Variants in NXN observed in about 807,000 individuals in gnomAD.
The protein encoded by NXN is nucleoredoxin, also known as nucleoredoxin 1.
NXN carries 16 observed loss-of-function variants against 48.6 expected under a neutral mutation model. The ratio of observed to expected loss-of-function variants is 0.33; its 90% CI spans 0.22 to 0.50. The LOEUF is 0.50. Ranked by LOEUF, NXN falls within the 20% of genes least tolerant of loss-of-function variation. The probability of loss-of-function intolerance (pLI) is 0.98; values close to 1 mark genes in which losing one functional copy is unlikely to be tolerated. For synonymous variants in NXN, 281 were observed against 269.6 expected, an observed-to-expected ratio of 1.04 and a Z score of -0.41; for missense variants, 492 against 605.5, an observed-to-expected ratio of 0.81 and a Z score of 1.97.
chr17:803,049 C>CTGCAGGG lies in NXN; in HGVS notation c.1125+626_1125+632dup, dbSNP rs889350426. Among the ~76,000 whole-genome samples the CTGCAGGG allele has an allele frequency of 9.2e-5, 14 of 152,322 alleles. No homozygotes were observed. The East Asian group carries it at 1.9e-3, about 21-fold the overall frequency. On this transcript the variant is annotated intron_variant, in intron 7 of 7. Coordinates refer to ENST00000336868, the MANE Select transcript of NXN (RefSeq NM_022463.5). The stretch of plus-strand genomic sequence containing the variant: ...TGTGCTGAGTCGCGGAGACGCCCGT[C>CTGCAGGG]TGCAGGGTGCAGGGTGCAGGGTTCC...
At chr17:888,103 G>A (rs1485970144) in intron 1 of NXN, among the ~76,000 whole-genome samples, 1 of 152,154 alleles carries the variant, frequency 6.6e-6, no homozygotes, top group Admixed American at 6.6e-5. Flanking sequence ...TGGGGCGCAG[G>A]TACCGTACGG....
At chr17:885,789 T>C (rs1485676623) in intron 1 of NXN, among the ~76,000 whole-genome samples, 4 of 146,896 alleles carry the variant, frequency 2.7e-5, no homozygotes, top group Non-Finnish European at 6.0e-5. Context: ...CACGCCATTC[T>C]CCTGTCTCAG....
intron 1 of NXN, among the ~76,000 whole-genome samples, chr17:855,137 G>A (rs1415921183): frequency 6.6e-6 from 1 of 152,130 alleles, no homozygotes; most frequent in African/African-American, 2.4e-5. Flanking sequence ...TTAGCTGGGT[G>A]TGGTGGAGCA....
At chr17:890,191 A>C (rs1328922401) in intron 1 of NXN, among the ~76,000 whole-genome samples, 3 of 151,804 alleles carry the variant, frequency 2.0e-5, no homozygotes, top group Non-Finnish European at 3.0e-5. Flanking sequence ...AAAAACCAGC[A>C]ACTCTCATGC....
intron 5 of NXN, among the ~76,000 whole-genome samples, chr17:812,332 G>A (rs888111473): frequency 2.6e-5 from 4 of 152,218 alleles, no homozygotes; most frequent in African/African-American, 9.6e-5. Flanking sequence ...TAAGTCCAAA[G>A]ACAGGCCAGG....
At chr17:906,137 G>A (rs1160205847) in intron 1 of NXN, among the ~76,000 whole-genome samples, 1 of 152,104 alleles carries the variant, frequency 6.6e-6, no homozygotes, top group African/African-American at 2.4e-5. Flanking sequence ...GGTCTCAGGG[G>A]CCTGGTGCAC....
chr17:875,298 C>T (rs968682264), intron 1 of NXN, among the ~76,000 whole-genome samples: 2 of 152,158 alleles, frequency 1.3e-5, no homozygotes, highest in Admixed American at 6.6e-5. Context: ...TCCCAACCTA[C>T]TGGGATTACA....
At chr17:866,830 C>T (rs2068099917) in intron 1 of NXN, among the ~76,000 whole-genome samples, 1 of 152,232 alleles carries the variant, frequency 6.6e-6, no homozygotes, top group Non-Finnish European at 1.5e-5. Context: ...CTTAGTGAAA[C>T]AAATGATTTG....
chr17:924,735 TTC>T (rs2068782899), intron 1 of NXN, among the ~76,000 whole-genome samples: 1 of 129,456 alleles, frequency 7.7e-6, no homozygotes, highest in South Asian at 2.5e-4. Context: ...TTCCGTTCCG[TTC>T]CCCTGCTCCC....
At chr17:809,642 A>C (rs559207405) in intron 5 of NXN, among the ~76,000 whole-genome samples, 21 of 152,354 alleles carry the variant, frequency 1.4e-4, no homozygotes, top group African/African-American at 4.8e-4. Flanking sequence ...GAGCAATGGA[A>C]GGAAAAGCAG....
At chr17:869,110 CT>C (rs1015361780) in intron 1 of NXN, among the ~76,000 whole-genome samples, 4 of 152,182 alleles carry the variant, frequency 2.6e-5, no homozygotes, top group African/African-American at 4.8e-5. Context: ...ACAGATGAAC[CT>C]CTAGACTTGG....
intron 1 of NXN, chr17:911,250 ATAAAT>A (rs1187589158): frequency 6.6e-6 from 1 of 151,876 alleles, no homozygotes; most frequent in African/African-American, 2.4e-5. Flanking sequence ...CATTAAATCT[ATAAAT>A]TAATTTTAAA....
At chr17:810,486 G>A (rs80186891) in intron 5 of NXN, among the ~76,000 whole-genome samples, 5 of 152,212 alleles carry the variant, frequency 3.3e-5, no homozygotes, top group African/African-American at 4.8e-5. Flanking sequence ...CTGAAAGGCC[G>A]TGGGGGTGAG....
At chr17:913,310 G>A (rs192482648) in intron 1 of NXN, among the ~76,000 whole-genome samples, 1 of 152,246 alleles carries the variant, frequency 6.6e-6, no homozygotes, top group East Asian at 1.9e-4. Context: ...CTCATCCACA[G>A]AGCACCCCCA....
chr17:804,384 G>C (rs1911375931), intron 6 of NXN, among the ~76,000 whole-genome samples: 1 of 148,606 alleles, frequency 6.7e-6, no homozygotes, highest in Non-Finnish European at 1.5e-5. Flanking sequence ...CCCGGTTCAA[G>C]CGATTCTCGT....
chr17:817,394 A>G lies in NXN; in HGVS notation c.820+2045T>C, dbSNP rs868827385. Among the ~76,000 whole-genome samples, 66 of 152,274 alleles carry G rather than the reference A, an allele frequency of 4.3e-4. No homozygotes were observed. In the Middle Eastern group the frequency reaches 0.027, roughly 63 times the overall value. On this transcript the variant is annotated intron_variant, in intron 5 of 7. Transcript: ENST00000336868. ...AGGTCAAAGAGCCTAATGAGGCCAG[A>G]CGTGGTGGCTCACGCCTGTAATCCC...
chr17:839,173 G>A (rs528343315), intron 1 of NXN, among the ~76,000 whole-genome samples: 11 of 152,288 alleles, frequency 7.2e-5, no homozygotes, highest in Admixed American at 7.2e-4. Flanking sequence ...GGTGGCTCAC[G>A]CCTGGAATCC....
At chr17:957,463 C>T (rs1490012176) in intron 1 of NXN, among the ~76,000 whole-genome samples, 2 of 152,106 alleles carry the variant, frequency 1.3e-5, no homozygotes, top group African/African-American at 4.8e-5. Flanking sequence ...GAAACACCGT[C>T]TCTACTAAAA....
Position 898,935 on chromosome 17 carries a change from T to G in NXN, c.361-72857A>C, listed in dbSNP as rs1377650116. Among the ~76,000 whole-genome samples, 9 of 70,614 alleles carry G rather than the reference T, an allele frequency of 1.3e-4. 4 individuals carry two copies. Among genetic ancestry groups the G allele is most frequent in the Admixed American group, 3.2e-4 (2 of 6,258 alleles). 46.3% of individuals were successfully genotyped at this position (70,614 alleles called of 152,430 possible). On this transcript the variant is annotated intron_variant, in intron 1 of 7. Coordinates refer to ENST00000336868, the MANE Select transcript of NXN (RefSeq NM_022463.5). ...CAAAGAAGGAAGGACAGGGCTGGGA[T>G]TCTGCCTCTGTGCATGCTTTTTTTT...
Sources: gnomAD v4.1 joint callset for allele counts (sites outside exome capture counted in the v4.1 genomes callset) on GRCh38, gnomAD v4.1.1 for gene constraint, MANE v1.5 for transcripts, NCBI Gene and HGNC (gene_info 2026-07-23, HGNC 2026-07-21) for gene names.